Variants in ZNF407 observed in about 807,000 individuals in gnomAD.
ZNF407 encodes zinc finger protein 407.
In ZNF407, 17 loss-of-function variants were observed where a neutral mutation model predicts 131.2. The ratio of observed to expected loss-of-function variants is 0.13; its 90% CI spans 0.09 to 0.19. The LOEUF is 0.19. ZNF407 is among the 10% of genes least tolerant of loss of function. The pLI, the probability that ZNF407 is intolerant of heterozygous loss-of-function variation, is 1.00. For synonymous variants in ZNF407, 1,156 were observed against 1,062.0 expected (o/e 1.09, Z -1.72); for missense variants, 2,681 against 2,830.6 (o/e 0.95, Z 1.20).
intron 7 of ZNF407, chr18:74,905,744 A>G (rs988044029): frequency 6.6e-6 from 1 of 152,272 alleles, no homozygotes; most frequent in Non-Finnish European, 1.5e-5. Flanking sequence ...AAAAGTAATG[A>G]GTAAATGATC....
intron 4 of ZNF407, among the ~76,000 whole-genome samples, chr18:74,788,252 G>A (rs1236681969): frequency 3.3e-5 from 5 of 152,130 alleles, no homozygotes; most frequent in African/African-American, 1.2e-4. Context: ...GGGCAGTTTT[G>A]CAATAGAAAT....
rs143546016 is a variant in ZNF407, at chr18:74,996,783, G to A, written c.5429-66367G>A. Among the ~76,000 whole-genome samples, 431 of 152,260 alleles carry A rather than the reference G, an allele frequency of 2.8e-3. 2 individuals carry two copies. Among genetic ancestry groups the A allele is most frequent in the African/African-American group, 9.4e-3 (392 of 41,544 alleles). The stretch of plus-strand genomic sequence containing the variant: ...CAGAGAAAATAAAATAAAAACTATC[G>A]TACTTTATTTACTAACCAATGAATT... On this transcript the variant is annotated intron_variant, in intron 8 of 8. Transcript: ENST00000299687.
chr18:74,863,013 C>A (rs894961533), intron 4 of ZNF407, among the ~76,000 whole-genome samples: 1 of 151,758 alleles, frequency 6.6e-6, no homozygotes, highest in Non-Finnish European at 1.5e-5. Flanking sequence ...CTCCGCCTCC[C>A]AGGCTCAAGT....
At chr18:75,039,195 T>C (rs1177354710) in intron 8 of ZNF407, among the ~76,000 whole-genome samples, 1 of 152,262 alleles carries the variant, frequency 6.6e-6, no homozygotes, top group Non-Finnish European at 1.5e-5. Flanking sequence ...CCTAATTATT[T>C]AAGATGCTTG....
Position 75,064,415 on chromosome 18 carries a change from G to T in ZNF407, c.6694G>T (p.Ala2232Ser). Reference protein sequence around the residue: ...VVIYTQEGSSAAAAIQSQRES... With the variant: ...VVIYTQEGSSSAAAIQSQRES... Reference sequence around the variant, plus strand: ...CATCTACACCCAGGAGGGCTCCTCGGCCGCGGCGGCAATTCAGAGCCAAAG... The same window carrying T: ...CATCTACACCCAGGAGGGCTCCTCGTCCGCGGCGGCAATTCAGAGCCAAAG... Residue 2232 changes from alanine to serine, a missense_variant, in exon 9 of 9, where the codon GCC (alanine) becomes TCC (serine). Around this residue, in one of 6 missense-constraint regions of ZNF407, gnomAD observed 620 missense variants for 583.1 expected, o/e 1.06. Transcript: ENST00000299687. The T allele has an allele frequency of 6.5e-7, 1 of 1,526,820 alleles. No homozygotes were observed. The highest frequency in any genetic ancestry group is 8.8e-7 in the Non-Finnish European group (1 of 1,138,330). The allele number at this position is 1,526,820 out of a possible 1,614,324, so 94.6% of individuals were successfully genotyped here.
intron 7 of ZNF407, among the ~76,000 whole-genome samples, chr18:74,911,462 G>T (rs557254841): frequency 6.6e-6 from 1 of 152,162 alleles, no homozygotes; most frequent in African/African-American, 2.4e-5. Flanking sequence ...CAGATATGTG[G>T]TGTAAGTCTC....
chr18:74,612,147 TAC>T (rs1345952534), intron 1 of ZNF407, among the ~76,000 whole-genome samples: 1 of 152,160 alleles, frequency 6.6e-6, no homozygotes, highest in African/African-American at 2.4e-5. Context: ...TGTAGAAGAA[TAC>T]ACAGTTTTTT....
intron 4 of ZNF407, among the ~76,000 whole-genome samples, chr18:74,803,052 T>C (rs1041554156): frequency 6.6e-6 from 1 of 152,142 alleles, no homozygotes. Context: ...AATAATTATA[T>C]TGAGACTCAT....
At chr18:74,966,332 A>T (rs1317925264) in intron 8 of ZNF407, among the ~76,000 whole-genome samples, 1 of 152,052 alleles carries the variant, frequency 6.6e-6, no homozygotes, top group African/African-American at 2.4e-5. Context: ...TTTTTATTTG[A>T]TTTTTGTATA....
At chr18:74,802,155 T>C (rs1970031009) in intron 4 of ZNF407, among the ~76,000 whole-genome samples, 1 of 152,210 alleles carries the variant, frequency 6.6e-6, no homozygotes, top group Non-Finnish European at 1.5e-5. Context: ...TAAATGTACA[T>C]ATAGTTATAC....
At chr18:75,021,763 G>A (rs1973113296) in intron 8 of ZNF407, among the ~76,000 whole-genome samples, 1 of 151,984 alleles carries the variant, frequency 6.6e-6, no homozygotes, top group African/African-American at 2.4e-5. Context: ...ATTCTATACG[G>A]AAATAAAATT....
At position 74,881,106 on chromosome 18, in the gene ZNF407, C is replaced by A; in HGVS notation, c.5115C>A (p.Arg1705=). The change falls in exon 6 of 9, where the codon CGC becomes CGA. Residue 1705 remains arginine, a synonymous_variant. Coordinates refer to ENST00000299687, the MANE Select transcript of ZNF407 (RefSeq NM_017757.3). ...GGTRHALTKH[R]RQHTGEKPFK... ...CCCGCCACGCCCTCACCAAGCATCG[C>A]AGACAGCACACAGGTCAGTTCCGAT... The A allele has an allele frequency of 6.3e-7, 1 of 1,574,950 alleles. No individual in the cohort carries two copies. The highest frequency in any genetic ancestry group is 8.6e-7 in the Non-Finnish European group (1 of 1,160,180).
Position 74,631,502 on chromosome 18 carries a change from T to C in ZNF407, c.483T>C (p.Asp161=), listed in dbSNP as rs749192135. Reference sequence around the variant, plus strand: ...CTGCTCAGGAAATGGTTTCCCTTGATCTGGAAAGAGAATCTCCTTTCCCCC... The same window carrying C: ...CTGCTCAGGAAATGGTTTCCCTTGACCTGGAAAGAGAATCTCCTTTCCCCC... The part of the protein sequence containing the change: ...KTSAQEMVSL[D]LERESPFPPK... The change falls in exon 2 of 9, where the codon GAT becomes GAC. Residue 161 remains aspartate (D), a synonymous_variant. Coordinates refer to ENST00000299687, the MANE Select transcript of ZNF407 (RefSeq NM_017757.3). 60 of 1,613,836 alleles carry C rather than the reference T, an allele frequency of 3.7e-5. No homozygotes were observed. Among genetic ancestry groups the C allele is most frequent in the Non-Finnish European group, 4.8e-5 (57 of 1,179,914 alleles).
intron 3 of ZNF407, among the ~76,000 whole-genome samples, chr18:74,745,100 C>T (rs1244619338): frequency 6.6e-6 from 1 of 152,048 alleles, no homozygotes. Context: ...CACATCTGTT[C>T]TCAGTTGGGT....
intron 3 of ZNF407, among the ~76,000 whole-genome samples, chr18:74,649,041 A>G (rs1985104540): frequency 2.0e-5 from 3 of 152,216 alleles, no homozygotes; most frequent in Admixed American, 1.3e-4. Context: ...TTAGTATACC[A>G]AAGTCTGTTG....
At chr18:74,803,908 C>A (rs960971549) in intron 4 of ZNF407, 1 of 1,533,556 alleles carries the variant, frequency 6.5e-7, no homozygotes, top group African/African-American at 1.4e-5. Flanking sequence ...GAATGCTTTA[C>A]AACGTGCCTT....
intron 8 of ZNF407, among the ~76,000 whole-genome samples, chr18:75,028,393 A>G (rs1973196629): frequency 6.6e-6 from 1 of 151,480 alleles, no homozygotes; most frequent in East Asian, 2.0e-4. Flanking sequence ...CTCCACCTGT[A>G]AGGACCCTGG....
chr18:74,795,813 G>A (rs1251917954), intron 4 of ZNF407, among the ~76,000 whole-genome samples: 2 of 152,178 alleles, frequency 1.3e-5, no homozygotes, highest in African/African-American at 4.8e-5. Context: ...GTAAATGACG[G>A]GTACATGCTT....
intron 3 of ZNF407, among the ~76,000 whole-genome samples, chr18:74,736,665 A>G (rs1183972862): frequency 1.3e-5 from 2 of 152,206 alleles, no homozygotes; most frequent in East Asian, 1.9e-4. Context: ...ATGCCTGCCC[A>G]GGATGCCTTT....
Sources: allele counts gnomAD v4.1 joint callset (sites outside exome capture counted in the v4.1 genomes callset), GRCh38; gene constraint gnomAD v4.1.1; regional missense constraint gnomAD v4.1.1; transcripts MANE v1.5; gene names NCBI Gene and HGNC (gene_info 2026-07-23, HGNC 2026-07-21).